The following FRMD1 variants were observed in gnomAD, a reference collection of about 807,000 sequenced individuals.
FRMD1 encodes the protein FERM domain-containing protein 1.
In FRMD1, 51 loss-of-function variants were observed where a neutral mutation model predicts 54.9. The observed-to-expected ratio is 0.93, with a 90% CI of 0.74 to 1.17. FRMD1 has a LOEUF of 1.17. FRMD1 is among the 50% of genes most tolerant of loss of function. The probability of loss-of-function intolerance (pLI) is 0.00; values close to 1 mark genes in which losing one functional copy is unlikely to be tolerated. For synonymous variants in FRMD1, 324 were observed against 306.4 expected (o/e 1.06, Z -0.60); for missense variants, 729 against 743.0 (o/e 0.98, Z 0.22).
At chr6:168,073,862 C>T (rs1485787045) in intron 2 of FRMD1, among the ~76,000 whole-genome samples, 1 of 152,146 alleles carries the variant, frequency 6.6e-6, no homozygotes, top group Non-Finnish European at 1.5e-5. Flanking sequence ...CTCCCCTAGA[C>T]AGAGGGCAAC....
At chr6:168,074,881 G>A (rs1361734063) in intron 2 of FRMD1, among the ~76,000 whole-genome samples, 1 of 63,480 alleles carries the variant, frequency 1.6e-5, no homozygotes, top group Non-Finnish European at 3.8e-5. Flanking sequence ...CATGTCAGTG[G>A]TGCGTAACTG....
chr6:168,054,253 C>A lies in FRMD1; in HGVS notation c.*2844G>T, dbSNP rs181175755. On this transcript the variant is annotated 3_prime_UTR_variant, in exon 11 of 11. Transcript: ENST00000283309. ...GCAGACGCAGTGGGGGGCTGAGAAACCCAGCCTGAACAAGCTCTCTGGGTC... is the reference window on the plus strand; with the variant it reads ...GCAGACGCAGTGGGGGGCTGAGAAAACCAGCCTGAACAAGCTCTCTGGGTC... The A allele has an allele frequency of 2.6e-3, 392 of 152,370 alleles. No homozygotes were observed. The highest frequency in any genetic ancestry group is 4.8e-3 in the Non-Finnish European group (325 of 68,078). 9.4% of individuals were successfully genotyped at this position (152,370 alleles called of 1,614,324 possible).
chr6:168,074,441 C>T (rs1001260789), intron 2 of FRMD1, among the ~76,000 whole-genome samples: 10 of 146,120 alleles, frequency 6.8e-5, no homozygotes, highest in Admixed American at 4.0e-4. Flanking sequence ...TGTACATGTG[C>T]GAGTGGTGTG....
At position 168,075,287 on chromosome 6, in the gene FRMD1, T is replaced by C; in HGVS notation, c.262A>G (p.Ser88Gly). The C allele has an allele frequency of 1.2e-6, 2 of 1,613,728 alleles. No individual in the cohort carries two copies. Among genetic ancestry groups the C allele is most frequent in the African/African-American group, 1.3e-5 (1 of 75,042 alleles). The change falls in exon 2 of 11, where the codon AGC (serine) becomes GGC (glycine). Residue 88 changes from serine (S) to glycine (G), a missense_variant. Transcript: ENST00000283309. ...CCAAAGAACTGCGCGTCTCTGATGCTCGCCACGTTGCACACTTGCTGGAAA... is the reference window on the plus strand; with the variant it reads ...CCAAAGAACTGCGCGTCTCTGATGCCCGCCACGTTGCACACTTGCTGGAAA... ...ELFQQVCNVA[S>G]IRDAQFFGLC...
At chr6:168,086,932 G>C (rs566022999) in intron 1 of FRMD1, among the ~76,000 whole-genome samples, 1 of 152,328 alleles carries the variant, frequency 6.6e-6, no homozygotes, top group South Asian at 2.1e-4. Context: ...CTTGAGGCCT[G>C]ATGGAGTGAC....
At chr6:168,067,255 C>T (rs565421195) in intron 3 of FRMD1, 112 bp downstream of exon 3, 62 of 718,886 alleles carry the variant, frequency 8.6e-5, no homozygotes, top group South Asian at 7.4e-4. Flanking sequence ...CGCATCCCCG[C>T]GGTCCCCCAC....
chr6:168,092,860 T>G (rs1801036961), intron 1 of FRMD1: 1 of 152,288 alleles, frequency 6.6e-6, no homozygotes, highest in South Asian at 2.1e-4. Context: ...AGAGGCAGCC[T>G]TGACCCTGGA....
chr6:168,059,623 C>A lies in FRMD1; in HGVS notation c.1343-435G>T, dbSNP rs1297687891. 6.6e-6 allele frequency among the ~76,000 whole-genome samples: 1 copy of A among 152,128 alleles called. No homozygotes were observed. Among genetic ancestry groups the A allele is most frequent in the Non-Finnish European group, 1.5e-5 (1 of 67,994 alleles). ...GCTGGGCGGTCCTGGGTGACTGAGCCCTGGGGCTGGTCCCACCTGATCTCA... is the reference window on the plus strand; with the variant it reads ...GCTGGGCGGTCCTGGGTGACTGAGCACTGGGGCTGGTCCCACCTGATCTCA... On this transcript the variant is annotated intron_variant, in intron 9 of 10. Coordinates refer to ENST00000283309, the MANE Select transcript of FRMD1 (RefSeq NM_024919.6). The surrounding 1 kb of genome is among the most constrained non-coding windows in gnomAD (Gnocchi z 4.4).
chr6:168,088,053 C>G (rs564514069), intron 1 of FRMD1, among the ~76,000 whole-genome samples: 4 of 152,206 alleles, frequency 2.6e-5, no homozygotes, highest in African/African-American at 9.6e-5. Context: ...AGGCTCTCTC[C>G]CTCTGGTTCC....
At chr6:168,082,498 G>A (rs905310995), upstream of FRMD1, among the ~76,000 whole-genome samples, 1 of 152,212 alleles carries the variant, frequency 6.6e-6, no homozygotes, top group African/African-American at 2.4e-5. Flanking sequence ...CGTCAGCACT[G>A]CGAGGGCTTC....
At chr6:168,081,631 A>G (rs75604636), upstream of FRMD1, 1,385 of 989,832 alleles carry the variant, frequency 1.4e-3, 11 homozygotes, top group African/African-American at 0.019. Context: ...TTTGGAAAAC[A>G]ATGTGGGAAT....
chr6:168,091,220 G>A (rs1173203137), intron 1 of FRMD1, among the ~76,000 whole-genome samples: 1 of 152,206 alleles, frequency 6.6e-6, no homozygotes, highest in African/African-American at 2.4e-5. Context: ...AAAAGGCCAA[G>A]GAGCCCCGGG....
intron 1 of FRMD1, among the ~76,000 whole-genome samples, chr6:168,077,795 G>C (rs1250331352): frequency 1.3e-5 from 2 of 152,234 alleles, no homozygotes; most frequent in African/African-American, 2.4e-5. Context: ...CAAAGCCCCA[G>C]CATCTTCCCC....
At chr6:168,092,224 C>T (rs1801027000) in intron 1 of FRMD1, among the ~76,000 whole-genome samples, 1 of 152,244 alleles carries the variant, frequency 6.6e-6, no homozygotes, top group South Asian at 2.1e-4. Flanking sequence ...ATCATGTGTC[C>T]TGCTCAGTGT....
chr6:168,077,379 G>A (rs139905888), intron 1 of FRMD1, among the ~76,000 whole-genome samples: 12,285 of 128,684 alleles, frequency 0.095, 844 homozygotes, highest in Non-Finnish European at 0.14. Flanking sequence ...ACACCCTGTG[G>A]GGGGGTTCCT....
chr6:168,080,144 G>A (rs1021478733), upstream of FRMD1, among the ~76,000 whole-genome samples: 4 of 152,178 alleles, frequency 2.6e-5, no homozygotes, highest in South Asian at 2.1e-4. Context: ...CACTCCAGCC[G>A]CCTTAAGGCC....
At chr6:168,069,049 C>T (rs55939515) in intron 2 of FRMD1, among the ~76,000 whole-genome samples, 7,618 of 152,330 alleles carry the variant, frequency 0.05, 292 homozygotes, top group East Asian at 0.17. Context: ...GTAACAACCA[C>T]AGCAACTCAC....
chr6:168,092,936 G>C (rs1429806391), intron 1 of FRMD1: 1 of 152,226 alleles, frequency 6.6e-6, no homozygotes, highest in Non-Finnish European at 1.5e-5. Flanking sequence ...CCGGGAATGG[G>C]TACTTTATAA....
intron 2 of FRMD1, among the ~76,000 whole-genome samples, chr6:168,073,065 T>C (rs1800388200): frequency 6.6e-6 from 1 of 152,146 alleles, no homozygotes; most frequent in Non-Finnish European, 1.5e-5. Flanking sequence ...GACAAACATA[T>C]TAACTGGGCT....
Sources: gnomAD v4.1 joint callset for allele counts (sites outside exome capture counted in the v4.1 genomes callset) on GRCh38, gnomAD v4.1.1 for gene constraint, Gnocchi (gnomAD v3.1) non-coding constraint, MANE v1.5 for transcripts, NCBI Gene and HGNC (gene_info 2026-07-23, HGNC 2026-07-21) for gene names.